Variants in MUC4 observed in about 807,000 individuals in gnomAD.
MUC4 encodes the protein mucin 4, cell surface associated.
MUC4 carries 202 observed loss-of-function variants against 257.9 expected under a neutral mutation model. The ratio of observed to expected loss-of-function variants is 0.78; its 90% CI spans 0.70 to 0.88. MUC4 has a LOEUF of 0.88. Among genes scored for constraint, MUC4 ranks in the 40% least tolerant of loss-of-function variants. The probability of loss-of-function intolerance (pLI) is 0.00; values close to 1 mark genes in which losing one functional copy is unlikely to be tolerated. For synonymous variants in MUC4, 2,351 were observed against 2,757.1 expected (o/e 0.85, Z 4.62); for missense variants, 5,976 against 6,513.7 (o/e 0.92, Z 2.84).
chr3:195,786,384 A>T lies in MUC4; in HGVS notation c.5196T>A (p.Thr1732=), dbSNP rs1467026063. The T allele has an allele frequency of 7.1e-7, 1 of 1,411,830 alleles. No homozygotes were observed. The highest frequency in any genetic ancestry group is 9.3e-7 in the Non-Finnish European group (1 of 1,074,010). 87.5% of individuals were successfully genotyped at this position (1,411,830 alleles called of 1,614,324 possible). ...GACCTGTGGATGCTGAGGAAGGGCT[A>T]GTGACAGGAAGAGGCGTGGTGTCAC... ...STGDTTPLPV[T]SPSSASTGHA... Residue 1732 remains threonine (T), a synonymous_variant, in exon 2 of 25, where the codon ACT becomes ACA. Transcript: ENST00000463781.
chr3:195,756,423 T>C (rs1266751548), intron 18 of MUC4, among the ~76,000 whole-genome samples: 1 of 152,106 alleles, frequency 6.6e-6, no homozygotes, highest in African/African-American at 2.4e-5. Flanking sequence ...AAGACGGAGG[T>C]GGAAGTTTCC....
At chr3:195,747,977 G>GGCCCCGCCCC in intron 24 of MUC4, among the ~76,000 whole-genome samples, 2 of 146,914 alleles carry the variant, frequency 1.4e-5, no homozygotes, top group Admixed American at 6.7e-5. Flanking sequence ...GCCCCAGCCC[G>GGCCCCGCCCC]GCCCCGCCCC....
In MUC4 at chr3:195,811,918, C is replaced by T. The variant is rs932762088; in HGVS notation, c.-101G>A. The stretch of plus-strand genomic sequence containing the variant: ...AGCCCGTCCCCTCAGGCGGCTGGCC[C>T]GAACCAAGTGCGTTTCTCCGAAGGG... On this transcript the variant is annotated 5_prime_UTR_variant, in exon 1 of 25. Coordinates refer to ENST00000463781, the MANE Select transcript of MUC4 (RefSeq NM_018406.7). 8 of 1,198,632 alleles carry T rather than the reference C, an allele frequency of 6.7e-6. No homozygotes were observed. The highest frequency in any genetic ancestry group is 1.5e-5 in the African/African-American group (1 of 66,306). 74.2% of individuals were successfully genotyped at this position (1,198,632 alleles called of 1,614,324 possible). A position where few individuals can be genotyped will look rare whatever the true frequency, so the allele number is the denominator to read the frequency against.
In MUC4 at chr3:195,780,356, C is replaced by T. The variant is rs569772156; in HGVS notation, c.11224G>A (p.Val3742Ile). ...GTGCTGGTGACAGGAAGAGGGGTGA[C>T]GTGACCTGTGGATGCTGAGGAAGGG... ...TSPSSASTGH[V>I]TPLPVTSTSS... is the part of the protein sequence containing the mutation. Residue 3742 changes from valine (V) to isoleucine (I), a missense_variant, in exon 2 of 25, where the codon GTC (valine) becomes ATC (isoleucine). By Grantham distance (29) the Val-to-Ile change is conservative. This residue lies in a region of MUC4 where 330 missense variants were observed against 262.0 expected (regional missense o/e 1.26). Coordinates refer to ENST00000463781, the MANE Select transcript of MUC4 (RefSeq NM_018406.7). The T allele has an allele frequency of 2.3e-3, 3,157 of 1,399,904 alleles. 299 individuals are homozygous for T. In the African/African-American group the frequency reaches 0.066, roughly 29 times the overall value. 86.7% of individuals were successfully genotyped at this position (1,399,904 alleles called of 1,614,324 possible).
At position 195,811,857 on chromosome 3, in the gene MUC4, C is replaced by T. The variant is rs371761158; in HGVS notation, c.-40G>A. On this transcript the variant is annotated 5_prime_UTR_variant, in exon 1 of 25. Coordinates refer to ENST00000463781, the MANE Select transcript of MUC4 (RefSeq NM_018406.7). ...TCCCCCTGGCTCCCTGGGGAAGCTC[C>T]ACGGCCCAGCAGCTGCAGTGTGAGG... 41 of 1,596,536 alleles carry T rather than the reference C, an allele frequency of 2.6e-5. No homozygotes were observed. Among genetic ancestry groups the T allele is most frequent in the Non-Finnish European group, 3.2e-5 (37 of 1,165,876 alleles).
intron 1 of MUC4, among the ~76,000 whole-genome samples, chr3:195,799,864 A>G (rs545915816): frequency 2.0e-5 from 3 of 152,320 alleles, no homozygotes; most frequent in African/African-American, 7.2e-5. Context: ...ATGCCAATTT[A>G]CAGACCTGTT....
Position 195,769,358 on chromosome 3 carries a change from A to G in MUC4, c.13399-206T>C, listed in dbSNP as rs993483137. ...CACCCTGGGTGCGAACGCACTTACC[A>G]CGGTGGATTTGCCTTTTGGTGACTT... On this transcript the variant is annotated intron_variant, in intron 6 of 24. Coordinates refer to ENST00000463781, the MANE Select transcript of MUC4 (RefSeq NM_018406.7). 9.7e-6 allele frequency: 6 copies of G among 618,470 alleles called. No individual in the cohort carries two copies. In the African/African-American group the frequency reaches 1.1e-4, roughly 11 times the overall value. 38.3% of individuals were successfully genotyped at this position (618,470 alleles called of 1,614,324 possible). A position where few individuals can be genotyped will look rare whatever the true frequency, so the allele number is the denominator to read the frequency against.
At chr3:195,777,463 A>G (rs1215432500) in intron 3 of MUC4, among the ~76,000 whole-genome samples, 2 of 19,598 alleles carry the variant, frequency 1.0e-4, no homozygotes, top group Non-Finnish European at 2.0e-4. Context: ...TACCTTCCAC[A>G]CCCATACCTT....
intron 1 of MUC4, among the ~76,000 whole-genome samples, chr3:195,803,652 C>T (rs997458367): frequency 1.1e-4 from 17 of 152,052 alleles, no homozygotes; most frequent in African/African-American, 2.7e-4. Context: ...ATTTCACAGG[C>T]GGGGAAATCG....
At chr3:195,764,210 G>C in intron 10 of MUC4, 46 bp from the exon 11 acceptor site, 2 of 1,547,924 alleles carry the variant, frequency 1.3e-6, no homozygotes, top group East Asian at 4.9e-5. Flanking sequence ...ACCTGGAGAA[G>C]CTTGGCAGGG....
In MUC4 at chr3:195,760,866, A is replaced by G. The variant is rs2246771; in HGVS notation, c.14848+18T>C. ...CTCCCGACTCTGAAAAGGCCTCCCC[A>G]GGCCTCGGGCCACTTACTGAGGGTG... On this transcript the variant is annotated intron_variant, in intron 16 of 24. Coordinates refer to ENST00000463781, the MANE Select transcript of MUC4 (RefSeq NM_018406.7). 1,135,204 of 1,611,142 alleles carry G rather than the reference A, an allele frequency of 0.7. 402,344 individuals carry two copies. The highest frequency in any genetic ancestry group is 0.76 in the East Asian group (34,233 of 44,856).
chr3:195,758,689 A>C (rs1229231159), intron 17 of MUC4, among the ~76,000 whole-genome samples: 4 of 149,204 alleles, frequency 2.7e-5, no homozygotes, highest in African/African-American at 9.9e-5. Context: ...CAGTCTCCTG[A>C]GTAGCTGGGA....
intron 24 of MUC4, among the ~76,000 whole-genome samples, chr3:195,748,242 G>T (rs1210417910): frequency 6.6e-6 from 1 of 152,286 alleles, no homozygotes; most frequent in East Asian, 1.9e-4. Flanking sequence ...GAGACAGCAG[G>T]GAAGCAGCAG....
chr3:195,781,355 G>A lies in MUC4; in HGVS notation c.10225C>T (p.Leu3409Phe). 6.7e-7 allele frequency: 1 copy of A among 1,484,708 alleles called. No homozygotes were observed. The highest frequency in any genetic ancestry group is 9.1e-7 in the Non-Finnish European group (1 of 1,103,934). The allele number at this position is 1,484,708 out of a possible 1,614,324, so 92.0% of individuals were successfully genotyped here. A position where few individuals can be genotyped will look rare whatever the true frequency, so the allele number is the denominator to read the frequency against. ...SSVSTGDTMP[L>F]PVTSPSSAST... ...GCTGAGGAAGGGCTAGTGACAGGAA[G>A]AGGCATGGTGTCACCTGTGGATACT... Residue 3409 changes from leucine to phenylalanine, a missense_variant, in exon 2 of 25, where the codon CTT becomes TTT. By Grantham distance (22) the Leu-to-Phe change is conservative. Around this residue, in one of 44 missense-constraint regions of MUC4, gnomAD observed 297 missense variants for 240.9 expected, o/e 1.23. Transcript: ENST00000463781.
At chr3:195,794,647 C>A (rs1201925331) in intron 1 of MUC4, among the ~76,000 whole-genome samples, 5 of 152,130 alleles carry the variant, frequency 3.3e-5, no homozygotes, top group Non-Finnish European at 5.9e-5. Flanking sequence ...AAGGTGTGAG[C>A]CACCGCTCCC....
Position 195,785,314 on chromosome 3 carries a change from A to ACC in MUC4, c.6265_6266insGG (p.Ile2089ArgfsTer916), listed in dbSNP as rs764936489. On this transcript the variant is annotated frameshift_variant, in exon 2 of 25. Coordinates refer to ENST00000463781, the MANE Select transcript of MUC4 (RefSeq NM_018406.7). LOFTEE classifies it high-confidence loss of function. ...AAGAGAGGTGGCGTGACCTGTGGAT[A>ACC]TTGAGGAAGCGTCGGTGACAAGAAG... The ACC allele has an allele frequency of 7.7e-7, 1 of 1,298,184 alleles. No homozygotes were observed. The highest frequency in any genetic ancestry group is 1.0e-6 in the Non-Finnish European group (1 of 960,244). The allele number at this position is 1,298,184 out of a possible 1,614,324, so 80.4% of individuals were successfully genotyped here.
At chr3:195,770,145 G>A in intron 6 of MUC4, 71 bp downstream of exon 6, 1 of 1,393,784 alleles carries the variant, frequency 7.2e-7, no homozygotes, top group South Asian at 1.5e-5. Flanking sequence ...TTGGAAGAGT[G>A]GCCCCTGCCT....
chr3:195,777,600 C>CGT (rs1725162964), intron 3 of MUC4, among the ~76,000 whole-genome samples: 1 of 108,552 alleles, frequency 9.2e-6, no homozygotes, highest in Non-Finnish European at 1.9e-5. Flanking sequence ...CCTTCCACAC[C>CGT]CATACCTTCC....
At chr3:195,767,357 C>T (rs1458864029) in intron 7 of MUC4, among the ~76,000 whole-genome samples, 1 of 150,144 alleles carries the variant, frequency 6.7e-6, no homozygotes, top group Non-Finnish European at 1.5e-5. Flanking sequence ...GCTGCCACTG[C>T]TGCTACCACC....
Sources: allele counts gnomAD v4.1 joint callset (sites outside exome capture counted in the v4.1 genomes callset), GRCh38; gene constraint gnomAD v4.1.1; regional missense constraint gnomAD v4.1.1; transcripts MANE v1.5; gene names NCBI Gene and HGNC (gene_info 2026-07-23, HGNC 2026-07-21).